The following NPHP4 variants were observed in gnomAD, a reference collection of about 807,000 sequenced individuals.
The protein encoded by NPHP4 is nephrocystin-4.
A neutral mutation model predicts 155.8 loss-of-function variants in NPHP4; 151 were observed. The observed-to-expected ratio is 0.97, with a 90% CI of 0.85 to 1.11. The LOEUF (loss-of-function observed/expected upper bound fraction) is 1.11. Ranked by LOEUF, NPHP4 falls within the 50% of genes least tolerant of loss-of-function variation. The probability of loss-of-function intolerance (pLI) is 0.00; values close to 1 mark genes in which losing one functional copy is unlikely to be tolerated. For missense variants in NPHP4, 1,956 were observed against 1,925.7 expected, an observed-to-expected ratio of 1.02 and a Z score of -0.29; for synonymous variants, 845 against 816.8, an observed-to-expected ratio of 1.03 and a Z score of -0.59.
At chr1:5,923,296 T>C (rs888722571) in intron 11 of NPHP4, among the ~76,000 whole-genome samples, 4 of 152,192 alleles carry the variant, frequency 2.6e-5, no homozygotes, top group Non-Finnish European at 4.4e-5. Flanking sequence ...ACATTTTCTT[T>C]TAAACACAAA....
At chr1:5,883,363 G>T (rs563684598) in intron 18 of NPHP4, among the ~76,000 whole-genome samples, 6 of 151,836 alleles carry the variant, frequency 4.0e-5, no homozygotes, top group Non-Finnish European at 5.9e-5. Context: ...AAGTGCCACC[G>T]ATGTTCACGC....
Position 5,964,939 on chromosome 1 carries a change from A to ATTTTTTTTTTTT in NPHP4, c.517+2359_517+2360insAAAAAAAAAAAA, listed in dbSNP as rs1232148646. ...ATATTATATATATATATATATATAT[A>ATTTTTTTTTTTT]TATTTTTTTTTTTTGAGGCAGGGTC... is the stretch of plus-strand genomic sequence containing the variant. On this transcript the variant is annotated intron_variant, in intron 5 of 29. Transcript: ENST00000378156. Among the ~76,000 whole-genome samples, 114 of 62,656 alleles carry ATTTTTTTTTTTT rather than the reference A, an allele frequency of 1.8e-3. 1 individual carries two copies. Among genetic ancestry groups the ATTTTTTTTTTTT allele is most frequent in the African/African-American group, 4.4e-3 (57 of 13,046 alleles). 41.1% of individuals were successfully genotyped at this position (62,656 alleles called of 152,430 possible).
intron 5 of NPHP4, among the ~76,000 whole-genome samples, chr1:5,965,981 CT>C (rs1651435829): frequency 6.6e-6 from 1 of 152,158 alleles, no homozygotes; most frequent in Non-Finnish European, 1.5e-5. Context: ...AGGACTCCTC[CT>C]GGGCTTATTA....
intron 23 of NPHP4, chr1:5,868,282 G>A: frequency 2.8e-6 from 1 of 351,082 alleles, no homozygotes; most frequent in Non-Finnish European, 5.6e-6. Flanking sequence ...AGGAGGTCCT[G>A]GAGTGGGTGG....
intron 23 of NPHP4, among the ~76,000 whole-genome samples, chr1:5,870,676 AG>A (rs1376911342): frequency 6.6e-6 from 1 of 152,256 alleles, no homozygotes; most frequent in African/African-American, 2.4e-5. Flanking sequence ...GAATGAAAAC[AG>A]TAACATCGCC....
chr1:5,969,368 C>T (rs1191356078), intron 3 of NPHP4, 109 bp from the exon 4 acceptor site: 5 of 618,792 alleles, frequency 8.1e-6, no homozygotes, highest in South Asian at 2.9e-5. Context: ...CCACAGCATC[C>T]GGAACCCTCT....
chr1:5,880,313 TAAGCGGC>T, intron 18 of NPHP4, 74 bp from the exon 19 acceptor site: 1 of 1,517,138 alleles, frequency 6.6e-7, no homozygotes, highest in Non-Finnish European at 9.1e-7. Context: ...ACCCACCACA[TAAGCGGC>T]TGTGGCTTTC....
chr1:5,939,989 C>T (rs539943096), intron 9 of NPHP4, among the ~76,000 whole-genome samples: 1 of 152,262 alleles, frequency 6.6e-6, no homozygotes, highest in South Asian at 2.1e-4. Flanking sequence ...AGAAGAGCTG[C>T]CTGCCCTGGA....
At chr1:5,893,201 C>T (rs997436572) in intron 16 of NPHP4, among the ~76,000 whole-genome samples, 2 of 152,166 alleles carry the variant, frequency 1.3e-5, no homozygotes, top group South Asian at 2.1e-4. Flanking sequence ...GGTCTCTCCC[C>T]GTGTGCGGCA....
At chr1:5,886,278 G>A (rs533132338) in intron 18 of NPHP4, among the ~76,000 whole-genome samples, 1 of 152,326 alleles carries the variant, frequency 6.6e-6, no homozygotes, top group East Asian at 1.9e-4. Flanking sequence ...CGCCTCGGAT[G>A]TACATTCGTA....
At chr1:5,901,371 C>T (rs377264402) in intron 16 of NPHP4, among the ~76,000 whole-genome samples, 180 of 152,336 alleles carry the variant, frequency 1.2e-3, no homozygotes, top group African/African-American at 4.2e-3. Context: ...AACCCTCCCA[C>T]AAGCTGCGGC....
At chr1:5,973,406 A>G (rs930489753) in intron 3 of NPHP4, among the ~76,000 whole-genome samples, 2 of 152,228 alleles carry the variant, frequency 1.3e-5, no homozygotes, top group Non-Finnish European at 2.9e-5. Context: ...AGCAAGAAAT[A>G]TCTAACCCCA....
At chr1:5,922,861 C>T (rs914885680) in intron 11 of NPHP4, among the ~76,000 whole-genome samples, 31 of 152,014 alleles carry the variant, frequency 2.0e-4, no homozygotes, top group African/African-American at 6.8e-4. Context: ...TAGCCGGGCA[C>T]GGTGGCACTC....
chr1:5,875,230 C>A lies in NPHP4; in HGVS notation c.2818-130G>T, dbSNP rs745367236. On this transcript the variant is annotated intron_variant, in intron 20 of 29. Coordinates refer to ENST00000378156, the MANE Select transcript of NPHP4 (RefSeq NM_015102.5). ...TCCACAAGCATCGCCACCACCACCC[C>A]CTTCCTTGACCATGTGGTCTGGGTG... is the stretch of plus-strand genomic sequence containing the variant. The A allele has an allele frequency of 1.1e-3, 787 of 743,448 alleles. 5 individuals carry two copies. The highest frequency in any genetic ancestry group is 5.0e-4 in the Non-Finnish European group (220 of 436,748). 46.1% of individuals were successfully genotyped at this position (743,448 alleles called of 1,614,324 possible). A position where few individuals can be genotyped will look rare whatever the true frequency, so the allele number is the denominator to read the frequency against.
intron 1 of NPHP4, among the ~76,000 whole-genome samples, chr1:5,991,739 GC>G (rs1460377091): frequency 6.6e-6 from 1 of 151,844 alleles, no homozygotes; most frequent in East Asian, 1.9e-4. Context: ...CAGAGCCACC[GC>G]GGGGAACTGA....
chr1:5,865,381 G>A (rs900605382), intron 26 of NPHP4, 108 bp from the exon 27 acceptor site: 12 of 1,063,398 alleles, frequency 1.1e-5, no homozygotes, highest in Admixed American at 2.7e-5. Flanking sequence ...GGCTGTGCAG[G>A]GAAAGCCCCA....
chr1:5,905,656 A>ACCCTT lies in NPHP4; in HGVS notation c.1738_1739insAAGGG (p.Ile580LysfsTer49). ...CCTCCTGGTCTGGGTTCCCACAACA[A>ACCCTT]TAGGGGCATGCAAAGGCGTGAACGG... On this transcript the variant is annotated frameshift_variant, in exon 14 of 30. Coordinates refer to ENST00000378156, the MANE Select transcript of NPHP4 (RefSeq NM_015102.5). LOFTEE classifies it high-confidence loss of function. The surrounding 1 kb of genome is among the most constrained non-coding windows in gnomAD (Gnocchi z 4.0). The ACCCTT allele has an allele frequency of 1.2e-6, 2 of 1,613,904 alleles. No homozygotes were observed. Among genetic ancestry groups the ACCCTT allele is most frequent in the South Asian group, 1.1e-5 (1 of 91,050 alleles).
rs529810553 is a variant in NPHP4, at chr1:5,944,414, G to T, written c.1119+2690C>A. ...GCCCGCCCTGGGCCTTCCAAGGAGC[G>T]CGCTGGGCTCCTCTACCACAGCCAC... is the stretch of plus-strand genomic sequence containing the variant. On this transcript the variant is annotated intron_variant, in intron 9 of 29. Transcript: ENST00000378156. This position sits in a 1 kb window ranked among gnomAD's most constrained non-coding sequence, Gnocchi z 4.3. 6.6e-6 allele frequency among the ~76,000 whole-genome samples: 1 copy of T among 152,234 alleles called. No homozygotes were observed. The highest frequency in any genetic ancestry group is 6.5e-5 in the Admixed American group (1 of 15,288).
At chr1:5,909,086 A>G (rs953691289) in intron 12 of NPHP4, 66 bp downstream of exon 12, 3 of 1,298,344 alleles carry the variant, frequency 2.3e-6, no homozygotes, top group Non-Finnish European at 3.3e-6. Context: ...AAGGGGGGAC[A>G]GAGGGTTTTC....
Sources: gnomAD v4.1 joint callset for allele counts (sites outside exome capture counted in the v4.1 genomes callset) on GRCh38, gnomAD v4.1.1 for gene constraint, Gnocchi (gnomAD v3.1) non-coding constraint, MANE v1.5 for transcripts, NCBI Gene and HGNC (gene_info 2026-07-23, HGNC 2026-07-21) for gene names.